The following ZC4H2 variants were observed in gnomAD, a reference collection of about 807,000 sequenced individuals.
The protein encoded by ZC4H2 is zinc finger C4H2-type containing.
For synonymous variants in ZC4H2, 84 were observed against 66.3 expected, an observed-to-expected ratio of 1.27 and a Z score of -1.30; for missense variants, 137 against 173.9, an observed-to-expected ratio of 0.79 and a Z score of 1.19.
At chrX:64,929,270 G>A (rs956068660) in intron 1 of ZC4H2, among the ~76,000 whole-genome samples, 56 of 111,145 alleles carry the variant, frequency 5.0e-4, no homozygotes, top group African/African-American at 1.7e-3. Context: ...CTGGGTATTA[G>A]TCCTTTGTCA....
intron 1 of ZC4H2, among the ~76,000 whole-genome samples, chrX:65,011,693 T>C (rs754372547): frequency 9.1e-5 from 10 of 109,837 alleles, no homozygotes; most frequent in Non-Finnish European, 1.5e-4. Flanking sequence ...GGGGATAAAG[T>C]ATGCCATCTT....
chrX:65,007,172 A>T, intron 1 of ZC4H2, among the ~76,000 whole-genome samples: 1 of 110,881 alleles, frequency 9.0e-6, no homozygotes, highest in South Asian at 3.8e-4. Flanking sequence ...TCTTTGTCTG[A>T]TATACCTGCC....
At chrX:64,960,247 G>A (rs1161046747) in intron 1 of ZC4H2, among the ~76,000 whole-genome samples, 3 of 110,638 alleles carry the variant, frequency 2.7e-5, no homozygotes, top group Non-Finnish European at 3.8e-5. Flanking sequence ...AAATTTTTCA[G>A]AAAAGAGTTT....
At chrX:64,951,317 G>C (rs916534710) in intron 1 of ZC4H2, among the ~76,000 whole-genome samples, 4 of 112,102 alleles carry the variant, frequency 3.6e-5, no homozygotes, top group African/African-American at 1.3e-4. Flanking sequence ...TATATACCCA[G>C]TAATGGGATG....
intron 1 of ZC4H2, among the ~76,000 whole-genome samples, chrX:64,945,297 T>C (rs1930476892): frequency 8.9e-6 from 1 of 112,666 alleles, no homozygotes; most frequent in East Asian, 2.8e-4. Flanking sequence ...GTTGATGTTA[T>C]TGCTTTGTGT....
rs772448186 is a variant in ZC4H2 at position 64,950,925 on chromosome X, T to G, written c.53+25400A>C. ...CACCCATTAACTCGTCATTTAGCAT[T>G]AGGTATATCTCCTAATGCCATAGCT... On this transcript the variant is annotated intron_variant, in intron 1 of 4. Coordinates refer to ENST00000374839, the MANE Select transcript of ZC4H2 (RefSeq NM_018684.4). 9.0e-5 allele frequency among the ~76,000 whole-genome samples: 10 copies of G among 110,653 alleles called. No homozygotes were observed. In the South Asian group the frequency reaches 3.9e-3, roughly 44 times the overall value.
chrX:64,959,986 C>A (rs1193510082), intron 1 of ZC4H2, among the ~76,000 whole-genome samples: 1 of 110,781 alleles, frequency 9.0e-6, no homozygotes, highest in Non-Finnish European at 1.9e-5. Context: ...ATTTACCCTC[C>A]CAGGCATAAC....
chrX:65,033,460 C>T (rs1326653152), intron 1 of ZC4H2, among the ~76,000 whole-genome samples: 2 of 111,738 alleles, frequency 1.8e-5, no homozygotes, highest in African/African-American at 6.5e-5. Context: ...TGTCTAAGCA[C>T]TTTATAGATC....
chrX:64,928,632 CCTTCTTCTTCTTCTTCTTCTTCTT>C (rs753426558), intron 1 of ZC4H2, among the ~76,000 whole-genome samples: 4 of 83,339 alleles, frequency 4.8e-5, no homozygotes, highest in Non-Finnish European at 9.0e-5. Context: ...CCTGCTTTCT[CCTTCTTCTTCTTCTTCTTCTTCTT>C]CTTCTTCTTC....
chrX:64,959,562 CT>C (rs1364584233), intron 1 of ZC4H2, among the ~76,000 whole-genome samples: 1 of 107,798 alleles, frequency 9.3e-6, no homozygotes, highest in Non-Finnish European at 1.9e-5. Flanking sequence ...TTTTATCAGA[CT>C]TTTCTGGTCT....
chrX:64,984,687 A>T (rs1024453723), intron 1 of ZC4H2, among the ~76,000 whole-genome samples: 88 of 111,948 alleles, frequency 7.9e-4, no homozygotes, highest in African/African-American at 2.6e-3. Flanking sequence ...CACTGGCTGC[A>T]TGAATCCTGA....
chrX:64,918,950 T>C (rs1929052759), intron 4 of ZC4H2, 92 bp downstream of exon 4: 1 of 1,061,490 alleles, frequency 9.4e-7, no homozygotes. Flanking sequence ...AGGCCCAGCA[T>C]AAATAAAGCC....
chrX:64,986,900 G>A (rs973011735), intron 1 of ZC4H2, among the ~76,000 whole-genome samples: 4 of 107,626 alleles, frequency 3.7e-5, no homozygotes, highest in Non-Finnish European at 5.7e-5. Flanking sequence ...AATATTTTCC[G>A]TAGACACAGA....
At chrX:64,933,268 T>A (rs1302716375) in intron 1 of ZC4H2, among the ~76,000 whole-genome samples, 1 of 111,650 alleles carries the variant, frequency 9.0e-6, no homozygotes, top group Non-Finnish European at 1.9e-5. Flanking sequence ...TATATCCTGA[T>A]TTTTTAAAAT....
upstream of ZC4H2, among the ~76,000 whole-genome samples, chrX:64,979,322 A>G (rs890465746): frequency 3.6e-5 from 4 of 112,672 alleles, no homozygotes; most frequent in Non-Finnish European, 7.5e-5. Flanking sequence ...AGGGCCAAGC[A>G]TGTCCCATGC....
intron 1 of ZC4H2, among the ~76,000 whole-genome samples, chrX:65,003,786 A>G (rs992261068): frequency 1.8e-5 from 2 of 109,513 alleles, no homozygotes; most frequent in Admixed American, 9.7e-5. Context: ...CTGAGGCAGG[A>G]GAATGGCGTG....
In ZC4H2 at chrX:64,917,542, G is replaced by C. The variant is rs1403338527; in HGVS notation, c.*241C>G. 1.1e-5 allele frequency: 4 copies of C among 358,155 alleles called. No homozygotes were observed. The highest frequency in any genetic ancestry group is 1.4e-5 in the Non-Finnish European group (3 of 212,103). 29.5% of individuals were successfully genotyped at this position (358,155 alleles called of 1,213,427 possible). On this transcript the variant is annotated 3_prime_UTR_variant, in exon 5 of 5. Transcript: ENST00000374839. ...TCCAAACAAGGGCAGGGGTTGAAATGTGAGTGGGAGAGAAGGGATCATCAG... is the reference window on the plus strand; with the variant it reads ...TCCAAACAAGGGCAGGGGTTGAAATCTGAGTGGGAGAGAAGGGATCATCAG...
At chrX:64,951,270 T>G (rs889719843) in intron 1 of ZC4H2, among the ~76,000 whole-genome samples, 4 of 112,290 alleles carry the variant, frequency 3.6e-5, no homozygotes, top group African/African-American at 1.3e-4. Context: ...AACATACGTG[T>G]GCATGTGTAT....
intron 1 of ZC4H2, among the ~76,000 whole-genome samples, chrX:65,007,150 A>G (rs1012123498): frequency 8.0e-5 from 9 of 111,858 alleles, no homozygotes; most frequent in African/African-American, 2.9e-4. Flanking sequence ...AAAAAAGACA[A>G]CTATTTTAAA....
Sources: allele counts gnomAD v4.1 joint callset (sites outside exome capture counted in the v4.1 genomes callset), GRCh38; gene constraint gnomAD v4.1.1; transcripts MANE v1.5; gene names NCBI Gene and HGNC (gene_info 2026-07-23, HGNC 2026-07-21).